Variants in MYLK4 observed in about 807,000 individuals in gnomAD.
The protein encoded by MYLK4 is myosin light chain kinase family member 4.
MYLK4 carries 46 observed loss-of-function variants against 48.1 expected under a neutral mutation model. The ratio of observed to expected loss-of-function variants is 0.96; its 90% CI spans 0.75 to 1.22. The LOEUF (loss-of-function observed/expected upper bound fraction) is 1.22. MYLK4 is among the 50% of genes most tolerant of loss of function. MYLK4 has a pLI of 0.00. For missense variants in MYLK4, 451 were observed against 486.1 expected, an observed-to-expected ratio of 0.93 and a Z score of 0.68; for synonymous variants, 170 against 180.8, an observed-to-expected ratio of 0.94 and a Z score of 0.48.
intron 9 of MYLK4, among the ~76,000 whole-genome samples, chr6:2,678,771 C>T (rs1245271290): frequency 3.5e-5 from 5 of 143,788 alleles, no homozygotes; most frequent in South Asian, 2.2e-4. Flanking sequence ...AGTGCAGTGG[C>T]GTGATCTCGT....
At position 2,733,075 on chromosome 6, in the gene MYLK4, C is replaced by T. The variant is rs1021344383; in HGVS notation, c.159+16061G>A. Among the ~76,000 whole-genome samples, 6 of 152,310 alleles carry T rather than the reference C, an allele frequency of 3.9e-5. No homozygotes were observed. In the South Asian group the frequency reaches 1.2e-3, roughly 32 times the overall value. On this transcript the variant is annotated intron_variant, in intron 2 of 12. Coordinates refer to ENST00000274643, the MANE Select transcript of MYLK4 (RefSeq NM_001012418.5). Reference sequence around the variant, plus strand: ...TCACACAGAACAAAAATGGTCTCAGCTCTTCTTTAAACTGTCAAATTATAT... The same window carrying T: ...TCACACAGAACAAAAATGGTCTCAGTTCTTCTTTAAACTGTCAAATTATAT...
intron 12 of MYLK4, among the ~76,000 whole-genome samples, chr6:2,668,313 G>C (rs9632524): frequency 0.47 from 71,789 of 151,922 alleles, 17,280 homozygotes; most frequent in Non-Finnish European, 0.52. Context: ...GGTGTGGGGA[G>C]GTTTCCATGT....
At chr6:2,737,990 G>GGGGGGGGGGGGA (rs1561878095) in intron 2 of MYLK4, among the ~76,000 whole-genome samples, 1 of 28,584 alleles carries the variant, frequency 3.5e-5, no homozygotes. Context: ...GTGGGGGGGG[G>GGGGGGGGGGGGA]GTGGTCAATG....
At chr6:2,677,142 T>G (rs1761112451) in intron 10 of MYLK4, among the ~76,000 whole-genome samples, 1 of 152,208 alleles carries the variant, frequency 6.6e-6, no homozygotes. Flanking sequence ...CTTATCTTTG[T>G]GTTAACCACA....
In MYLK4 at chr6:2,680,234, C is replaced by CA; in HGVS notation, c.744dup (p.Gly249TrpfsTer25). 1 of 1,614,110 alleles carries CA rather than the reference C, an allele frequency of 6.2e-7. No individual in the cohort carries two copies. On this transcript the variant is annotated frameshift_variant, in exon 8 of 13. Coordinates refer to ENST00000274643, the MANE Select transcript of MYLK4 (RefSeq NM_001012418.5). LOFTEE classifies it high-confidence loss of function. ...AAATAGACATACCTTCTGGCCAATC[C>CA]AAAATCAATAATTTTTATTTGCTTA...
At chr6:2,671,420 GAA>G in intron 11 of MYLK4, 72 bp from the exon 12 acceptor site, 1 of 1,403,462 alleles carries the variant, frequency 7.1e-7, no homozygotes, top group Admixed American at 1.7e-5. Context: ...GAGCTCACAT[GAA>G]AAGACAATCA....
chr6:2,695,525 C>T (rs1762029179), intron 2 of MYLK4, among the ~76,000 whole-genome samples: 1 of 152,218 alleles, frequency 6.6e-6, no homozygotes, highest in African/African-American at 2.4e-5. Flanking sequence ...AAGAAGCCAG[C>T]TTCCAAGAGA....
At chr6:2,759,679 C>T in the MYLK4 span, among the ~76,000 whole-genome samples, 99,679 of 152,016 alleles carry the variant, frequency 0.66, 33,144 homozygotes, top group Non-Finnish European at 0.71. Context: ...TTTCCTTTTA[C>T]GGTTAGTGCA....
chr6:2,749,932 A>T (rs1417116599), intron 1 of MYLK4, among the ~76,000 whole-genome samples: 1 of 152,244 alleles, frequency 6.6e-6, no homozygotes, highest in Admixed American at 6.5e-5. Flanking sequence ...TCACGTGGAC[A>T]GCACTCCCAG....
chr6:2,762,318 C>T, the MYLK4 span, among the ~76,000 whole-genome samples: 2 of 152,292 alleles, frequency 1.3e-5, no homozygotes, highest in Admixed American at 1.3e-4. Flanking sequence ...ACTCTACTGT[C>T]TAATCTTGAA....
chr6:2,770,058 A>T, the MYLK4 span: 4 of 1,604,026 alleles, frequency 2.5e-6, no homozygotes, highest in Non-Finnish European at 3.4e-6. Flanking sequence ...GCCAACTTAC[A>T]TAGGATTCTG....
At chr6:2,770,124 C>T in the MYLK4 span, 2 of 1,614,250 alleles carry the variant, frequency 1.2e-6, no homozygotes, top group Non-Finnish European at 1.7e-6. Flanking sequence ...GATTAGGACA[C>T]TTTCCTTCCT....
chr6:2,766,195 G>A, the MYLK4 span: 1 of 1,402,270 alleles, frequency 7.1e-7, no homozygotes, highest in Non-Finnish European at 9.3e-7. Flanking sequence ...ACTGGGACGC[G>A]GACGCTGCCG....
upstream of MYLK4, among the ~76,000 whole-genome samples, chr6:2,755,737 T>C (rs1447154336): frequency 6.6e-6 from 1 of 152,146 alleles, no homozygotes; most frequent in Non-Finnish European, 1.5e-5. Flanking sequence ...TGAGGCTTCC[T>C]AGTCTCTCTC....
rs148216673 is a variant in MYLK4 at position 2,684,649 on chromosome 6, TA to T, written c.545+646del. Among the ~76,000 whole-genome samples, 1,160 of 152,230 alleles carry T rather than the reference TA, an allele frequency of 7.6e-3. 17 individuals are homozygous for T. The highest frequency in any genetic ancestry group is 0.027 in the African/African-American group (1,109 of 41,528). ...CAACAACAAAAATAATACAAATTTT[TA>T]AAAAATACAGTATAACAACTGTATA... On this transcript the variant is annotated intron_variant, in intron 6 of 12. Transcript: ENST00000274643.
rs1760646885 is a variant in MYLK4, at chr6:2,666,220, G to A, written c.*1705C>T. 6.6e-6 allele frequency: 1 copy of A among 152,156 alleles called. No homozygotes were observed. Among genetic ancestry groups the A allele is most frequent in the African/African-American group, 2.4e-5 (1 of 41,412 alleles). The allele number at this position is 152,156 out of a possible 1,614,324, so 9.4% of individuals were successfully genotyped here. A position where few individuals can be genotyped will look rare whatever the true frequency, so the allele number is the denominator to read the frequency against. On this transcript the variant is annotated 3_prime_UTR_variant, in exon 13 of 13. Transcript: ENST00000274643. ...GGCATGCTGTAAGGATTCCTTAAGT[G>A]GATCTGAGAGATAATGGGGGAAAGC...
intron 8 of MYLK4, 98 bp from the exon 9 acceptor site, chr6:2,679,506 A>G (rs1384783497): frequency 7.0e-7 from 1 of 1,425,906 alleles, no homozygotes; most frequent in Admixed American, 1.7e-5. Context: ...CTTCAGCCAT[A>G]CAGCAAACTT....
At chr6:2,765,788 C>G in the MYLK4 span, 1 of 1,421,372 alleles carries the variant, frequency 7.0e-7, no homozygotes, top group Non-Finnish European at 9.2e-7. Flanking sequence ...CGGGTCGCAC[C>G]GCGCCGGGGA....
chr6:2,729,411 TG>T (rs1763398054), intron 2 of MYLK4, among the ~76,000 whole-genome samples: 3 of 152,242 alleles, frequency 2.0e-5, no homozygotes, highest in Non-Finnish European at 4.4e-5. Flanking sequence ...ACAGAGATCG[TG>T]GCAAAGGAGC....
Sources: allele counts gnomAD v4.1 joint callset (sites outside exome capture counted in the v4.1 genomes callset), GRCh38; gene constraint gnomAD v4.1.1; transcripts MANE v1.5; gene names NCBI Gene and HGNC (gene_info 2026-07-23, HGNC 2026-07-21).